Variants in LIPI observed in about 807,000 individuals in gnomAD.
LIPI encodes lipase I.
LIPI carries 59 observed loss-of-function variants against 50.6 expected under a neutral mutation model. That is an observed-to-expected ratio of 1.16 (90% confidence interval 0.94 to 1.45). The LOEUF (loss-of-function observed/expected upper bound fraction) is 1.45. Ranked by LOEUF, LIPI falls within the 40% of genes most tolerant of loss-of-function variation. The pLI, the probability that LIPI is intolerant of heterozygous loss-of-function variation, is 0.00. For missense variants in LIPI, 586 were observed against 536.3 expected, an observed-to-expected ratio of 1.09 and a Z score of -0.92; for synonymous variants, 203 against 178.2, an observed-to-expected ratio of 1.14 and a Z score of -1.11.
intron 1 of LIPI, among the ~76,000 whole-genome samples, chr21:14,196,446 A>G (rs2019857229): frequency 6.6e-6 from 1 of 152,162 alleles, no homozygotes; most frequent in East Asian, 1.9e-4. Context: ...AAGCTAACTA[A>G]CTTTTAAGGG....
chr21:14,156,072 A>G (rs1224491548), intron 7 of LIPI, among the ~76,000 whole-genome samples: 1 of 152,036 alleles, frequency 6.6e-6, no homozygotes, highest in African/African-American at 2.4e-5. Context: ...TCAAATGGTT[A>G]AATGTTGGAA....
chr21:14,190,251 C>T (rs2019626257), intron 1 of LIPI, among the ~76,000 whole-genome samples: 1 of 152,022 alleles, frequency 6.6e-6, no homozygotes, highest in East Asian at 1.9e-4. Flanking sequence ...ATAGTCATTG[C>T]TAGACAATGA....
rs558371440 is a variant in LIPI, at chr21:14,144,514, A to G, written c.1295+109T>C. The G allele has an allele frequency of 5.0e-6, 3 of 603,988 alleles. No homozygotes were observed. In the Admixed American group the frequency reaches 9.1e-5, roughly 18 times the overall value. The allele number at this position is 603,988 out of a possible 1,614,324, so 37.4% of individuals were successfully genotyped here. ...ATTTATGTAAAATATAGTCTGAAAT[A>G]CACAATAAACAGATATTTGAATACA... On this transcript the variant is annotated intron_variant, in intron 9 of 9. Coordinates refer to ENST00000681601, the MANE Select transcript of LIPI (RefSeq NM_001302998.2).
chr21:14,189,460 G>A (rs416402), intron 1 of LIPI, 41 bp from the exon 2 acceptor site: 282,766 of 1,563,184 alleles, frequency 0.18, 27,882 homozygotes, highest in South Asian at 0.21. Flanking sequence ...TACTGGGATA[G>A]TATTTTATTC....
rs903915998 is a variant in LIPI at position 14,163,330 on chromosome 21, G to A, written c.1006+89C>T. On this transcript the variant is annotated intron_variant, in intron 7 of 9. Transcript: ENST00000681601. ...CCTGAAAGAACATGATGGAATTTGAGTGGGTGCAAAGAACACTTTGAATCA... is the reference window on the plus strand; with the variant it reads ...CCTGAAAGAACATGATGGAATTTGAATGGGTGCAAAGAACACTTTGAATCA... 1.0e-4 allele frequency: 69 copies of A among 691,452 alleles called. No individual in the cohort carries two copies. The African/African-American group carries it at 1.2e-3, about 12-fold the overall frequency. 42.8% of individuals were successfully genotyped at this position (691,452 alleles called of 1,614,324 possible).
In LIPI at chr21:14,210,742, C is replaced by A. The variant is rs1002938157; in HGVS notation, c.46+58G>T. The A allele has an allele frequency of 7.5e-5, 49 of 651,688 alleles. No homozygotes were observed. The African/African-American group carries it at 8.5e-4, about 11-fold the overall frequency. The allele number at this position is 651,688 out of a possible 1,614,324, so 40.4% of individuals were successfully genotyped here. A position where few individuals can be genotyped will look rare whatever the true frequency, so the allele number is the denominator to read the frequency against. ...AACATTCTTTATCCCAGAATACAGA[C>A]CACACTATTTTATATGCAATTTTTA... is the stretch of plus-strand genomic sequence containing the variant. On this transcript the variant is annotated intron_variant, in intron 1 of 9. Coordinates refer to ENST00000681601, the MANE Select transcript of LIPI (RefSeq NM_001302998.2).
intron 8 of LIPI, among the ~76,000 whole-genome samples, chr21:14,151,658 T>C (rs1253474681): frequency 6.6e-6 from 1 of 152,216 alleles, no homozygotes; most frequent in Non-Finnish European, 1.5e-5. Flanking sequence ...TATGGTAGTG[T>C]GCCCGTTTAT....
At chr21:14,144,482 T>C (rs556443573) in intron 9 of LIPI, 141 bp downstream of exon 9, 86 of 491,328 alleles carry the variant, frequency 1.8e-4, no homozygotes, top group African/African-American at 1.6e-3. Flanking sequence ...CTTTTTGAGA[T>C]TCTAATATTT....
chr21:14,191,195 G>A (rs1362158468), intron 1 of LIPI, among the ~76,000 whole-genome samples: 1 of 151,736 alleles, frequency 6.6e-6, no homozygotes, highest in Non-Finnish European at 1.5e-5. Context: ...CGGCTAAAAC[G>A]GTGAAACCCC....
intron 9 of LIPI, among the ~76,000 whole-genome samples, chr21:14,118,020 C>T (rs1434632087): frequency 6.6e-6 from 1 of 151,680 alleles, no homozygotes; most frequent in Non-Finnish European, 1.5e-5. Flanking sequence ...TCAGCCTAGA[C>T]TAGAGAGAGA....
chr21:14,209,213 GT>G (rs1359802818), intron 1 of LIPI, among the ~76,000 whole-genome samples: 2 of 152,060 alleles, frequency 1.3e-5, no homozygotes, highest in Non-Finnish European at 2.9e-5. Flanking sequence ...TCTGTATAAA[GT>G]TTTTTGATCT....
chr21:14,160,880 T>C (rs1176917189), intron 7 of LIPI, among the ~76,000 whole-genome samples: 1 of 151,346 alleles, frequency 6.6e-6, no homozygotes, highest in Non-Finnish European at 1.5e-5. Context: ...AAATAGTCAA[T>C]ATAATCATCC....
At chr21:14,196,951 GA>G (rs2019884306) in intron 1 of LIPI, among the ~76,000 whole-genome samples, 4 of 151,620 alleles carry the variant, frequency 2.6e-5, no homozygotes, top group Middle Eastern at 3.4e-3. Context: ...TTAAATAATA[GA>G]AAAAATATAA....
chr21:14,174,769 G>C (rs2019037548), intron 4 of LIPI, among the ~76,000 whole-genome samples: 1 of 152,218 alleles, frequency 6.6e-6, no homozygotes, highest in East Asian at 1.9e-4. Flanking sequence ...CAGCCAGGCT[G>C]GTCTCGAACT....
At chr21:14,151,144 CATT>C (rs1225146849) in intron 8 of LIPI, among the ~76,000 whole-genome samples, 4 of 152,102 alleles carry the variant, frequency 2.6e-5, no homozygotes, top group Non-Finnish European at 2.9e-5. Context: ...GTGAACTTAT[CATT>C]ATTTTCTTTG....
intron 4 of LIPI, 138 bp from the exon 5 acceptor site, chr21:14,166,589 G>A (rs888172265): frequency 1.1e-5 from 7 of 649,706 alleles, no homozygotes; most frequent in African/African-American, 3.7e-5. Flanking sequence ...TTTTTATAAA[G>A]ATAAGTTTTT....
intron 9 of LIPI, among the ~76,000 whole-genome samples, chr21:14,141,622 C>T (rs1367906135): frequency 3.9e-5 from 3 of 76,974 alleles, no homozygotes; most frequent in East Asian, 1.0e-3. Context: ...TGCATTAGGC[C>T]TCATTTTGTT....
At chr21:14,191,228 A>T (rs1294966996) in intron 1 of LIPI, among the ~76,000 whole-genome samples, 2 of 151,582 alleles carry the variant, frequency 1.3e-5, no homozygotes, top group Non-Finnish European at 2.9e-5. Context: ...ACTACAAAAA[A>T]TAGCCGGGCG....
intron 4 of LIPI, among the ~76,000 whole-genome samples, chr21:14,168,291 C>T (rs1251255275): frequency 1.3e-5 from 2 of 152,186 alleles, no homozygotes; most frequent in Non-Finnish European, 2.9e-5. Flanking sequence ...AAACACTCTG[C>T]AAGATATTAT....
Sources: allele counts gnomAD v4.1 joint callset (sites outside exome capture counted in the v4.1 genomes callset), GRCh38; gene constraint gnomAD v4.1.1; transcripts MANE v1.5; gene names NCBI Gene and HGNC (gene_info 2026-07-23, HGNC 2026-07-21).